The following ASB3 variants were observed in gnomAD, a reference collection of about 807,000 sequenced individuals.
The protein encoded by ASB3 is ankyrin repeat and SOCS box protein 3.
In ASB3, 41 loss-of-function variants were observed where a neutral mutation model predicts 54.5. The observed-to-expected ratio is 0.75, with a 90% confidence interval of 0.59 to 0.98. The LOEUF (loss-of-function observed/expected upper bound fraction) is 0.98, where lower values mean the gene tolerates loss of function less well. Among genes scored for constraint, ASB3 ranks in the 50% least tolerant of loss-of-function variants. The probability of loss-of-function intolerance (pLI) is 0.00; values close to 1 mark genes in which losing one functional copy is unlikely to be tolerated. For missense variants in ASB3, 733 were observed against 620.0 expected (o/e 1.18, Z -1.94); for synonymous variants, 266 against 221.2 (o/e 1.20, Z -1.80).
chr2:53,671,517 T>C (rs977583574), intron 9 of ASB3, among the ~76,000 whole-genome samples: 3 of 152,104 alleles, frequency 2.0e-5, no homozygotes, highest in African/African-American at 7.2e-5. Context: ...CCCAGTACTT[T>C]GGGAGGCTGA....
At chr2:53,733,684 C>T (rs558394309) in intron 3 of ASB3, among the ~76,000 whole-genome samples, 9 of 152,032 alleles carry the variant, frequency 5.9e-5, no homozygotes, top group Admixed American at 1.3e-4. Flanking sequence ...TCATATAATC[C>T]GCCCACCTTG....
At chr2:53,771,033 G>A (rs1458753823) in intron 1 of ASB3, among the ~76,000 whole-genome samples, 1 of 152,140 alleles carries the variant, frequency 6.6e-6, no homozygotes, top group African/African-American at 2.4e-5. Context: ...AACAATTTCT[G>A]AAATCAGCAG....
At chr2:53,765,335 C>A (rs1270254546) in intron 2 of ASB3, 42 bp downstream of exon 2, 5 of 1,611,446 alleles carry the variant, frequency 3.1e-6, no homozygotes, top group Non-Finnish European at 4.2e-6. Flanking sequence ...TTTTATTAAT[C>A]CAGCTTGTAG....
intron 7 of ASB3, among the ~76,000 whole-genome samples, chr2:53,704,486 T>C (rs1455913084): frequency 6.6e-6 from 1 of 152,214 alleles, no homozygotes; most frequent in East Asian, 1.9e-4. Flanking sequence ...CATGTGATTG[T>C]AGGCAATCCA....
intron 9 of ASB3, among the ~76,000 whole-genome samples, chr2:53,687,954 AC>A (rs1668718361): frequency 6.6e-6 from 1 of 152,066 alleles, no homozygotes; most frequent in African/African-American, 2.4e-5. Context: ...AGCAGCTGGG[AC>A]TACAGTCATT....
intron 1 of ASB3, among the ~76,000 whole-genome samples, chr2:53,769,761 T>C (rs897248578): frequency 6.6e-6 from 1 of 152,114 alleles, no homozygotes; most frequent in South Asian, 2.1e-4. Context: ...GGCAGGAGAA[T>C]CGCTTGGGAG....
intron 5 of ASB3, among the ~76,000 whole-genome samples, chr2:53,719,659 A>T (rs1438843873): frequency 4.6e-5 from 7 of 151,892 alleles, no homozygotes; most frequent in Admixed American, 4.6e-4. Flanking sequence ...CAAGCTTGTG[A>T]TAAGCCCCCT....
intron 5 of ASB3, among the ~76,000 whole-genome samples, chr2:53,718,066 T>A (rs956696178): frequency 6.6e-6 from 1 of 152,174 alleles, no homozygotes; most frequent in African/African-American, 2.4e-5. Context: ...TATGAATTAT[T>A]GGTATTCCTG....
At chr2:53,766,416 T>C (rs959004582) in intron 1 of ASB3, among the ~76,000 whole-genome samples, 5 of 152,224 alleles carry the variant, frequency 3.3e-5, no homozygotes, top group Non-Finnish European at 5.9e-5. Context: ...TTTGATTACA[T>C]AACTATTGTT....
intron 2 of ASB3, among the ~76,000 whole-genome samples, chr2:53,755,894 G>T (rs953468921): frequency 6.6e-6 from 1 of 152,116 alleles, no homozygotes; most frequent in Non-Finnish European, 1.5e-5. Context: ...GCTCATGCCT[G>T]TAATCCCAGC....
At chr2:53,687,472 T>G (rs1199873958) in intron 9 of ASB3, among the ~76,000 whole-genome samples, 1 of 152,226 alleles carries the variant, frequency 6.6e-6, no homozygotes, top group African/African-American at 2.4e-5. Context: ...GAGATCTTAG[T>G]AATACTGCCT....
At chr2:53,725,289 G>T (rs544687379) in intron 5 of ASB3, among the ~76,000 whole-genome samples, 1 of 152,128 alleles carries the variant, frequency 6.6e-6, no homozygotes, top group African/African-American at 2.4e-5. Context: ...TAATAGAGAG[G>T]GGAGGCAGGG....
chr2:53,675,357 TATAAA>T (rs1668030606), intron 9 of ASB3, among the ~76,000 whole-genome samples: 1 of 151,962 alleles, frequency 6.6e-6, no homozygotes, highest in Non-Finnish European at 1.5e-5. Context: ...AATAAGCCAA[TATAAA>T]ATAAGATATA....
At chr2:53,766,010 C>T (rs1272906771) in intron 1 of ASB3, among the ~76,000 whole-genome samples, 1 of 152,152 alleles carries the variant, frequency 6.6e-6, no homozygotes, top group East Asian at 1.9e-4. Flanking sequence ...CATTCAACTA[C>T]CAGCAATGCT....
At chr2:53,754,893 T>G (rs1025971707) in intron 2 of ASB3, among the ~76,000 whole-genome samples, 4 of 152,226 alleles carry the variant, frequency 2.6e-5, no homozygotes, top group African/African-American at 9.6e-5. Context: ...AAAGATAAAC[T>G]GCTTTCCTTA....
intron 2 of ASB3, among the ~76,000 whole-genome samples, chr2:53,762,134 G>A (rs748096147): frequency 2.6e-5 from 4 of 152,164 alleles, no homozygotes; most frequent in East Asian, 1.9e-4. Flanking sequence ...TTATAGCAAC[G>A]CAGACAAGGT....
intron 3 of ASB3, among the ~76,000 whole-genome samples, chr2:53,731,449 C>T (rs780474439): frequency 1.3e-5 from 2 of 152,078 alleles, no homozygotes; most frequent in African/African-American, 4.8e-5. Flanking sequence ...AACTCTTACT[C>T]TGAAGGGTTT....
intron 5 of ASB3, among the ~76,000 whole-genome samples, chr2:53,727,386 G>A (rs965067534): frequency 6.6e-6 from 1 of 152,108 alleles, no homozygotes; most frequent in Non-Finnish European, 1.5e-5. Flanking sequence ...CAGGCACAGC[G>A]ACTTACAGTG....
At chr2:53,743,566 G>A (rs577780705) in intron 3 of ASB3, among the ~76,000 whole-genome samples, 6 of 152,146 alleles carry the variant, frequency 3.9e-5, no homozygotes, top group Admixed American at 6.6e-5. Flanking sequence ...GGAAAAGCGG[G>A]GGGAGAAAGA....
Sources: gnomAD v4.1 joint callset for allele counts (sites outside exome capture counted in the v4.1 genomes callset) on GRCh38, gnomAD v4.1.1 for gene constraint, MANE v1.5 for transcripts, NCBI Gene and HGNC (gene_info 2026-07-23, HGNC 2026-07-21) for gene names.